Variants in PCDHGB6 observed in about 807,000 individuals in gnomAD.
The protein encoded by PCDHGB6 is protocadherin gamma-B6.
Under a neutral mutation model 59.1 loss-of-function variants are expected in PCDHGB6, and 51 were observed. The observed-to-expected ratio is 0.86, with a 90% CI of 0.69 to 1.09. PCDHGB6 has a LOEUF of 1.09. Ranked by LOEUF, PCDHGB6 falls within the 50% of genes least tolerant of loss-of-function variation. The probability of loss-of-function intolerance (pLI) is 0.00; values close to 1 mark genes in which losing one functional copy is unlikely to be tolerated. For synonymous variants in PCDHGB6, 466 were observed against 495.1 expected (o/e 0.94, Z 0.78); for missense variants, 1,148 against 1,205.1 (o/e 0.95, Z 0.70).
chr5:141,483,764 A>G (rs1170910094), intron 1 of PCDHGB6, among the ~76,000 whole-genome samples: 1 of 152,104 alleles, frequency 6.6e-6, no homozygotes, highest in East Asian at 1.9e-4. Context: ...AGGCTTGGAA[A>G]AATATTGGGG....
rs888556794 is a variant in PCDHGB6 at position 141,493,414 on chromosome 5, A to T, written c.2419-1393A>T. Among the ~76,000 whole-genome samples, 2 of 152,058 alleles carry T rather than the reference A, an allele frequency of 1.3e-5. No individual in the cohort carries two copies. Among genetic ancestry groups the T allele is most frequent in the Admixed American group, 6.6e-5 (1 of 15,248 alleles). ...GGAGAGGGGAGTTGCCTCTGCTGGG[A>T]TTTTGCTTCTGCTGGGATGGGGCAA... On this transcript the variant is annotated intron_variant, in intron 1 of 3. Coordinates refer to ENST00000520790, the MANE Select transcript of PCDHGB6 (RefSeq NM_018926.3). The surrounding 1 kb of genome is among the most constrained non-coding windows in gnomAD (Gnocchi z 4.3).
intron 1 of PCDHGB6, among the ~76,000 whole-genome samples, chr5:141,439,168 G>C (rs2098092980): frequency 6.6e-6 from 1 of 150,792 alleles, no homozygotes; most frequent in Non-Finnish European, 1.5e-5. Context: ...ACTCCAGCCT[G>C]GGCGACATAG....
chr5:141,505,645 G>A (rs997169182), intron 3 of PCDHGB6, 164 bp downstream of exon 3: 2 of 964,274 alleles, frequency 2.1e-6, no homozygotes, highest in African/African-American at 1.8e-5. Flanking sequence ...GCCTGGAATT[G>A]TGGCTAAGGA....
At chr5:141,450,364 T>G (rs2098678485) in intron 1 of PCDHGB6, among the ~76,000 whole-genome samples, 1 of 152,188 alleles carries the variant, frequency 6.6e-6, no homozygotes, top group Admixed American at 6.5e-5. Flanking sequence ...TCCTCAGCCT[T>G]GTTTGTTTAT....
rs200064261 is a variant in PCDHGB6, at chr5:141,487,515, G to A, written c.2419-7292G>A. 3.7e-5 allele frequency: 59 copies of A among 1,614,018 alleles called. No homozygotes were observed. The highest frequency in any genetic ancestry group is 8.8e-5 in the South Asian group (8 of 91,086). On this transcript the variant is annotated intron_variant, in intron 1 of 3. Coordinates refer to ENST00000520790, the MANE Select transcript of PCDHGB6 (RefSeq NM_018926.3). The surrounding 1 kb of genome is among the most constrained non-coding windows in gnomAD (Gnocchi z 5.0). Reference sequence around the variant, plus strand: ...ACACCCTTGGCTTCTGCACCCACTCGGAGTGATAGCTTCATGATGGTGAAG... The same window carrying A: ...ACACCCTTGGCTTCTGCACCCACTCAGAGTGATAGCTTCATGATGGTGAAG...
In PCDHGB6 at chr5:141,427,967, G is replaced by A. The variant is rs535332244; in HGVS notation, c.2418+17347G>A. On this transcript the variant is annotated intron_variant, in intron 1 of 3. Coordinates refer to ENST00000520790, the MANE Select transcript of PCDHGB6 (RefSeq NM_018926.3). The stretch of plus-strand genomic sequence containing the variant: ...TCAATGACAATGTGCCGCGGGTGCT[G>A]TACCCCGCGCTGGGGCCCGATGGCT... 10 of 1,591,190 alleles carry A rather than the reference G, an allele frequency of 6.3e-6. No individual in the cohort carries two copies. In the East Asian group the frequency reaches 8.9e-5, roughly 14 times the overall value.
At chr5:141,421,955 T>A in intron 1 of PCDHGB6, 1 of 1,612,914 alleles carries the variant, frequency 6.2e-7, no homozygotes, top group South Asian at 1.1e-5. Context: ...ATCCCAATGT[T>A]TACACAGTCC....
chr5:141,465,836 A>G (rs974075792), intron 1 of PCDHGB6, among the ~76,000 whole-genome samples: 1 of 151,774 alleles, frequency 6.6e-6, no homozygotes, highest in East Asian at 1.9e-4. Context: ...TAAAATTTCA[A>G]CTGAGGCTGG....
At chr5:141,505,151 G>T (rs2099844154) in intron 2 of PCDHGB6, among the ~76,000 whole-genome samples, 1 of 152,164 alleles carries the variant, frequency 6.6e-6, no homozygotes, top group Non-Finnish European at 1.5e-5. Context: ...GACAGAGTAA[G>T]ACCCTGTCTA....
rs2099623857 is a variant in PCDHGB6, at chr5:141,486,060, A to ACC, written c.2419-8744_2419-8743dup. On this transcript the variant is annotated intron_variant, in intron 1 of 3. Transcript: ENST00000520790. This position sits in a 1 kb window ranked among gnomAD's most constrained non-coding sequence, Gnocchi z 5.0. Reference sequence around the variant, plus strand: ...CGTGTAAGAAACCTCTTTAGCCTGCACCCCACTACTGGAAAGCTTACTCTT... The same window carrying ACC: ...CGTGTAAGAAACCTCTTTAGCCTGCACCCCCCACTACTGGAAAGCTTACTCTT... The ACC allele has an allele frequency of 1.2e-6, 2 of 1,613,980 alleles. No homozygotes were observed. The highest frequency in any genetic ancestry group is 1.7e-6 in the Non-Finnish European group (2 of 1,179,980).
Position 141,489,791 on chromosome 5 carries a change from C to G in PCDHGB6, c.2419-5016C>G. ...AGCCACTTCTCTCTGAATGTGAAGA[C>G]CCTAAAAGATGGGAAGCCATTCCCA... On this transcript the variant is annotated intron_variant, in intron 1 of 3. Transcript: ENST00000520790. The surrounding 1 kb of genome is among the most constrained non-coding windows in gnomAD (Gnocchi z 4.5). 2 of 1,614,174 alleles carry G rather than the reference C, an allele frequency of 1.2e-6. No individual in the cohort carries two copies. The highest frequency in any genetic ancestry group is 1.7e-6 in the Non-Finnish European group (2 of 1,180,002).
rs111458813 is a variant in PCDHGB6 at position 141,483,648 on chromosome 5, TTG to T, written c.2419-11139_2419-11138del. Among the ~76,000 whole-genome samples, 82 of 149,502 alleles carry T rather than the reference TTG, an allele frequency of 5.5e-4. 1 individual carries two copies. The highest frequency in any genetic ancestry group is 2.5e-3 in the Admixed American group (37 of 14,990). Reference sequence around the variant, plus strand: ...GGAGAAGGTATAGAGGGGTGTGTGTTTGTGTGTGTGTGTGTGTGTGTAAAAGA... The same window carrying T: ...GGAGAAGGTATAGAGGGGTGTGTGTTTGTGTGTGTGTGTGTGTGTAAAAGA... On this transcript the variant is annotated intron_variant, in intron 1 of 3. Transcript: ENST00000520790.
chr5:141,418,107 A>C, intron 1 of PCDHGB6: 1 of 1,614,036 alleles, frequency 6.2e-7, no homozygotes, highest in Non-Finnish European at 8.5e-7. Flanking sequence ...CAGAGCGGGG[A>C]CTTACTTGTG....
intron 2 of PCDHGB6, among the ~76,000 whole-genome samples, chr5:141,496,467 TC>T (rs1289225541): frequency 1.3e-5 from 2 of 152,176 alleles, no homozygotes; most frequent in Admixed American, 1.3e-4. Flanking sequence ...GAGTTATCTT[TC>T]CCCCATCCTG....
At chr5:141,419,413 C>T (rs568417008) in intron 1 of PCDHGB6, 4 of 1,613,444 alleles carry the variant, frequency 2.5e-6, no homozygotes, top group African/African-American at 1.3e-5. Flanking sequence ...TCGCGCAGCG[C>T]GCCTTCGACC....
In PCDHGB6 at chr5:141,486,030, C is replaced by T. The variant is rs2099623234; in HGVS notation, c.2419-8777C>T. 2 of 1,614,046 alleles carry T rather than the reference C, an allele frequency of 1.2e-6. No homozygotes were observed. Among genetic ancestry groups the T allele is most frequent in the African/African-American group, 1.3e-5 (1 of 74,918 alleles). On this transcript the variant is annotated intron_variant, in intron 1 of 3. Coordinates refer to ENST00000520790, the MANE Select transcript of PCDHGB6 (RefSeq NM_018926.3). This position sits in a 1 kb window ranked among gnomAD's most constrained non-coding sequence, Gnocchi z 5.0. ...ACCTTTTATTTCAGTGGTCATACCC[C>T]TGATCGTGTAAGAAACCTCTTTAGC...
intron 1 of PCDHGB6, among the ~76,000 whole-genome samples, chr5:141,447,728 A>G (rs2098549955): frequency 6.6e-6 from 1 of 152,204 alleles, no homozygotes; most frequent in Non-Finnish European, 1.5e-5. Flanking sequence ...TCCAAAACTC[A>G]TTGAACTTAA....
rs375080564 is a variant in PCDHGB6 at position 141,486,676 on chromosome 5, T to C, written c.2419-8131T>C. On this transcript the variant is annotated intron_variant, in intron 1 of 3. Transcript: ENST00000520790. The surrounding 1 kb of genome is among the most constrained non-coding windows in gnomAD (Gnocchi z 5.0). ...CACTCCTGGAGCCCAGGAATCGAGA[T>C]GTATCAGCTTCCTCTTTCATCTCTC... The C allele has an allele frequency of 6.2e-7, 1 of 1,614,120 alleles. No homozygotes were observed. The highest frequency in any genetic ancestry group is 1.7e-5 in the Admixed American group (1 of 60,032).
chr5:141,502,866 CTTTT>C (rs549047197), intron 2 of PCDHGB6, among the ~76,000 whole-genome samples: 1 of 128,042 alleles, frequency 7.8e-6, no homozygotes. Context: ...GACTCTCTGT[CTTTT>C]TTTTTTTTTT....
Sources: allele counts gnomAD v4.1 joint callset (sites outside exome capture counted in the v4.1 genomes callset), GRCh38; gene constraint gnomAD v4.1.1; non-coding constraint Gnocchi (gnomAD v3.1); transcripts MANE v1.5; gene names NCBI Gene and HGNC (gene_info 2026-07-23, HGNC 2026-07-21).